SYNPO2: variants seen among roughly 807,000 people sequenced by gnomAD.
SYNPO2 encodes the protein synaptopodin-2.
SYNPO2 carries 56 observed loss-of-function variants against 85.0 expected under a neutral mutation model. That is an observed-to-expected ratio of 0.66 (90% CI 0.53 to 0.82). The LOEUF is 0.82. Among genes scored for constraint, SYNPO2 ranks in the 40% least tolerant of loss-of-function variants. The pLI is 0.00. For synonymous variants in SYNPO2, 602 were observed against 591.1 expected (o/e 1.02, Z -0.27); for missense variants, 1,575 against 1,534.2 (o/e 1.03, Z -0.44).
chr4:118,930,751 C>CAAAAA (rs3051232), intron 1 of SYNPO2, among the ~76,000 whole-genome samples: 1 of 120,026 alleles, frequency 8.3e-6, no homozygotes. Flanking sequence ...CCCATATCTA[C>CAAAAA]AAAAAAAAAA....
In SYNPO2 at chr4:119,027,389, C is replaced by A; in HGVS notation, c.1020C>A (p.Arg340=). Residue 340 remains arginine (R), a synonymous_variant, in exon 3 of 5, where the codon CGC becomes CGA. Coordinates refer to ENST00000307142, the MANE Select transcript of SYNPO2 (RefSeq NM_133477.3). The part of the protein sequence containing the change: ...SEGTEQGEDP[R]SEKDHSRPHK... ...GCACAGAGCAGGGAGAAGATCCACG[C>A]TCGGAAAAAGATCACAGCAGACCTC... The A allele has an allele frequency of 6.2e-7, 1 of 1,612,572 alleles. No individual in the cohort carries two copies. The highest frequency in any genetic ancestry group is 8.5e-7 in the Non-Finnish European group (1 of 1,179,458).
chr4:118,859,223 A>G (rs1390978722), intron 1 of SYNPO2, among the ~76,000 whole-genome samples: 1 of 152,236 alleles, frequency 6.6e-6, no homozygotes, highest in African/African-American at 2.4e-5. Flanking sequence ...AAATGTTCTA[A>G]GATAAAAGCA....
At chr4:118,968,961 C>G (rs1490509) in intron 1 of SYNPO2, among the ~76,000 whole-genome samples, 105,101 of 152,046 alleles carry the variant, frequency 0.69, 36,604 homozygotes, top group South Asian at 0.79. Flanking sequence ...AAAACAAAAA[C>G]GAAAACAAAA....
rs139801110 is a variant in SYNPO2, at chr4:119,031,743, C to A, written c.2968C>A (p.Gln990Lys). 1.7e-5 allele frequency: 27 copies of A among 1,614,228 alleles called. No individual in the cohort carries two copies. The highest frequency in any genetic ancestry group is 6.7e-5 in the East Asian group (3 of 44,882). ...TCCAGATGCAAAGGATGGCCTCCCC[C>A]AGAAGTCATCAGTCAAGGTCAATTC... ...QPPDAKDGLP[Q>K]KSSVKVNSAL... The change falls in exon 4 of 5, where the codon CAG becomes AAG. Residue 990 changes from glutamine (Q) to lysine (K), a missense_variant. Physicochemically the swap from Gln to Lys is moderately conservative, Grantham distance 53. Transcript: ENST00000307142.
At chr4:119,029,329 A>G (rs1246093761) in intron 3 of SYNPO2, among the ~76,000 whole-genome samples, 2 of 152,136 alleles carry the variant, frequency 1.3e-5, no homozygotes, top group Non-Finnish European at 2.9e-5. Context: ...GAAAACCTAA[A>G]TAGCTAAATT....
At chr4:118,965,922 A>T (rs542261753) in intron 1 of SYNPO2, among the ~76,000 whole-genome samples, 1 of 124,422 alleles carries the variant, frequency 8.0e-6, no homozygotes, top group Non-Finnish European at 1.8e-5. Context: ...TCACTACAAG[A>T]TTTTTTTTAA....
chr4:118,993,130 T>G (rs1384049857), intron 1 of SYNPO2, among the ~76,000 whole-genome samples: 1 of 152,208 alleles, frequency 6.6e-6, no homozygotes, highest in Non-Finnish European at 1.5e-5. Flanking sequence ...AGAGAATTAC[T>G]TACATTGTCA....
intron 4 of SYNPO2, among the ~76,000 whole-genome samples, chr4:119,051,674 TTTCCAA>T (rs1177104721): frequency 6.6e-6 from 1 of 152,166 alleles, no homozygotes; most frequent in African/African-American, 2.4e-5. Context: ...TAGAAAAATA[TTTCCAA>T]TTTTAGCTTA....
intron 1 of SYNPO2, among the ~76,000 whole-genome samples, chr4:118,879,287 T>G (rs959217483): frequency 7.2e-5 from 11 of 152,160 alleles, no homozygotes; most frequent in African/African-American, 2.7e-4. Context: ...AACACAGAAG[T>G]GCCAATTCAG....
At chr4:118,853,640 A>G (rs1731459169) in intron 1 of SYNPO2, among the ~76,000 whole-genome samples, 1 of 150,346 alleles carries the variant, frequency 6.7e-6, no homozygotes, top group African/African-American at 2.4e-5. Flanking sequence ...TAACTGGTAA[A>G]ACAATGTACA....
chr4:118,971,827 G>A (rs1398345160), intron 1 of SYNPO2, among the ~76,000 whole-genome samples: 3 of 150,412 alleles, frequency 2.0e-5, no homozygotes, highest in Non-Finnish European at 4.4e-5. Context: ...TTCCCATGCC[G>A]AGAAGTGACA....
chr4:118,869,095 C>T (rs185085981), intron 1 of SYNPO2, among the ~76,000 whole-genome samples: 39 of 152,238 alleles, frequency 2.6e-4, no homozygotes, highest in Admixed American at 1.6e-3. Flanking sequence ...GACAGAGTTT[C>T]GCTCTTGTTG....
At chr4:118,943,560 A>G (rs1334097551) in intron 1 of SYNPO2, among the ~76,000 whole-genome samples, 2 of 152,222 alleles carry the variant, frequency 1.3e-5, no homozygotes, top group Non-Finnish European at 2.9e-5. Context: ...GCTGCCGTTG[A>G]TCAAAGAGAT....
At chr4:119,052,701 T>G (rs2149200985) in intron 4 of SYNPO2, among the ~76,000 whole-genome samples, 1 of 152,318 alleles carries the variant, frequency 6.6e-6, no homozygotes, top group Non-Finnish European at 1.5e-5. Context: ...GAGAGGAGAT[T>G]TAACTCTAAT....
At chr4:118,915,696 A>G (rs1733294514) in intron 1 of SYNPO2, among the ~76,000 whole-genome samples, 1 of 152,196 alleles carries the variant, frequency 6.6e-6, no homozygotes, top group South Asian at 2.1e-4. Flanking sequence ...TTGTATACCC[A>G]GGAATGGAAT....
intron 1 of SYNPO2, among the ~76,000 whole-genome samples, chr4:119,003,500 G>T (rs1381877417): frequency 6.6e-6 from 1 of 152,108 alleles, no homozygotes; most frequent in Non-Finnish European, 1.5e-5. Flanking sequence ...TCTCAACATT[G>T]TCTTCCAAAT....
intron 4 of SYNPO2, chr4:119,037,262 TG>T: frequency 1.4e-6 from 2 of 1,461,668 alleles, no homozygotes; most frequent in Non-Finnish European, 1.8e-6. Context: ...TCCTATTTCT[TG>T]GGCTCCTTAA....
intron 1 of SYNPO2, among the ~76,000 whole-genome samples, chr4:118,949,914 T>C (rs1734640709): frequency 6.6e-6 from 1 of 152,192 alleles, no homozygotes; most frequent in South Asian, 2.1e-4. Context: ...GTTTCAACTC[T>C]ATTTTCAAAA....
chr4:118,960,088 G>A (rs1037965843), intron 1 of SYNPO2, among the ~76,000 whole-genome samples: 1 of 152,182 alleles, frequency 6.6e-6, no homozygotes, highest in Admixed American at 6.5e-5. Context: ...ACAAGTCAAG[G>A]ATTGCTGACA....
Sources: allele counts gnomAD v4.1 joint callset (sites outside exome capture counted in the v4.1 genomes callset), GRCh38; gene constraint gnomAD v4.1.1; transcripts MANE v1.5; gene names NCBI Gene and HGNC (gene_info 2026-07-23, HGNC 2026-07-21).